Variants in LRRN2 observed in about 807,000 individuals in gnomAD.
LRRN2 encodes the protein leucine rich repeat neuronal 2, also known as leucine-rich repeat neuronal protein 2.
LRRN2 carries 10 observed loss-of-function variants against 35.7 expected under a neutral mutation model. The ratio of observed to expected loss-of-function variants is 0.28; its 90% CI spans 0.17 to 0.47. LRRN2 has a LOEUF of 0.47. Ranked by LOEUF, LRRN2 falls within the 20% of genes least tolerant of loss-of-function variation. The probability of loss-of-function intolerance (pLI) is 0.99; values close to 1 mark genes in which losing one functional copy is unlikely to be tolerated. For missense variants in LRRN2, 731 were observed against 940.3 expected (o/e 0.78, Z 2.91); for synonymous variants, 391 against 409.6 (o/e 0.95, Z 0.55).
Position 204,618,018 on chromosome 1 carries a change from C to T in LRRN2, c.1975G>A (p.Val659Met), listed in dbSNP as rs544682007. The part of the protein sequence containing the change: ...HLGTGQPRKG[V>M]GGRRPLPPAW... Reference sequence around the variant, plus strand: ...GGAGGGAGAGGCCGCCTCCCACCCACACCCTTCCTGGGTTGGCCTGTGCCA... The same window carrying T: ...GGAGGGAGAGGCCGCCTCCCACCCATACCCTTCCTGGGTTGGCCTGTGCCA... The change falls in exon 2 of 2, where the codon GTG (valine) becomes ATG (methionine). Residue 659 changes from valine to methionine, a missense_variant. Transcript: ENST00000367177. 4 of 1,612,794 alleles carry T rather than the reference C, an allele frequency of 2.5e-6. No homozygotes were observed. The East Asian group carries it at 6.7e-5, about 27-fold the overall frequency.
At chr1:204,675,627 C>G (rs1300366681) in intron 1 of LRRN2, among the ~76,000 whole-genome samples, 1 of 152,202 alleles carries the variant, frequency 6.6e-6, no homozygotes, top group East Asian at 1.9e-4. Flanking sequence ...TTACACTGGG[C>G]CCACCCAGAT....
Position 204,618,050 on chromosome 1 carries a change from G to A in LRRN2, c.1943C>T (p.Ala648Val), listed in dbSNP as rs541339042. Residue 648 changes from alanine (A) to valine (V), a missense_variant, in exon 2 of 2, where the codon GCC (alanine) becomes GTC (valine). Ala to Val is a moderately conservative substitution (Grantham distance 64, BLOSUM62 0). Coordinates refer to ENST00000367177, the MANE Select transcript of LRRN2 (RefSeq NM_201630.2). ...CCTGGGTTGGCCTGTGCCAAGGTGGGCCGCTAGCCCAGCTGCCAGGAGAAG... is the reference window on the plus strand; with the variant it reads ...CCTGGGTTGGCCTGTGCCAAGGTGGACCGCTAGCCCAGCTGCCAGGAGAAG... The part of the protein sequence containing the change: ...AVLLLAAGLA[A>V]HLGTGQPRKG... 6.2e-7 allele frequency: 1 copy of A among 1,613,012 alleles called. No homozygotes were observed. Among genetic ancestry groups the A allele is most frequent in the Non-Finnish European group, 8.5e-7 (1 of 1,179,546 alleles).
intron 1 of LRRN2, among the ~76,000 whole-genome samples, chr1:204,679,842 G>A (rs1398421570): frequency 6.6e-6 from 1 of 152,224 alleles, no homozygotes; most frequent in Non-Finnish European, 1.5e-5. Flanking sequence ...AGGAAACAAT[G>A]TTGGATCTTA....
chr1:204,661,150 G>A (rs1259840209), intron 1 of LRRN2, among the ~76,000 whole-genome samples: 1 of 152,188 alleles, frequency 6.6e-6, no homozygotes, highest in East Asian at 1.9e-4. Context: ...ACATGGGATG[G>A]AAGAGGAGTT....
chr1:204,662,263 G>A (rs553495849), intron 1 of LRRN2, among the ~76,000 whole-genome samples: 12 of 152,278 alleles, frequency 7.9e-5, no homozygotes, highest in African/African-American at 2.9e-4. Context: ...AGCTGTCCTT[G>A]ACTTGAGGGC....
intron 1 of LRRN2, among the ~76,000 whole-genome samples, chr1:204,675,547 C>G (rs1318828125): frequency 6.6e-6 from 1 of 152,218 alleles, no homozygotes; most frequent in Non-Finnish European, 1.5e-5. Flanking sequence ...GCAGGTCCAG[C>G]CTTTCACACA....
chr1:204,669,419 C>T (rs1668659885), intron 1 of LRRN2, among the ~76,000 whole-genome samples: 1 of 152,212 alleles, frequency 6.6e-6, no homozygotes, highest in African/African-American at 2.4e-5. Flanking sequence ...ACCAATGATA[C>T]AATAATACAA....
intron 1 of LRRN2, among the ~76,000 whole-genome samples, chr1:204,677,694 C>G (rs533232781): frequency 1.3e-5 from 2 of 152,286 alleles, no homozygotes; most frequent in East Asian, 3.9e-4. Flanking sequence ...TCCCAGCATG[C>G]AGACCTGGGA....
chr1:204,642,132 T>C (rs577534056), intron 1 of LRRN2, among the ~76,000 whole-genome samples: 3 of 152,340 alleles, frequency 2.0e-5, no homozygotes, highest in South Asian at 2.1e-4. Context: ...AAGGCCCAGA[T>C]GGTGCCAGCT....
At chr1:204,630,246 G>T (rs141704808) in intron 1 of LRRN2, among the ~76,000 whole-genome samples, 6 of 151,904 alleles carry the variant, frequency 3.9e-5, no homozygotes, top group African/African-American at 1.5e-4. Context: ...TAGTTAAGGA[G>T]GTTTGGGTTT....
At chr1:204,630,660 C>T (rs931490650) in intron 1 of LRRN2, among the ~76,000 whole-genome samples, 10 of 152,146 alleles carry the variant, frequency 6.6e-5, no homozygotes, top group East Asian at 3.9e-4. Flanking sequence ...ATGGCCTGTC[C>T]GTCCTGGCCA....
chr1:204,642,207 A>AAAT (rs1405369886), intron 1 of LRRN2, among the ~76,000 whole-genome samples: 2 of 152,274 alleles, frequency 1.3e-5, no homozygotes, highest in East Asian at 3.9e-4. Flanking sequence ...ATAATGATAA[A>AAAT]AATAATAATA....
chr1:204,632,083 A>C (rs1360675182), intron 1 of LRRN2, among the ~76,000 whole-genome samples: 1 of 151,596 alleles, frequency 6.6e-6, no homozygotes, highest in African/African-American at 2.4e-5. Flanking sequence ...CAAACAAAAC[A>C]CCTATGTGGG....
chr1:204,655,972 C>G (rs915057615), intron 1 of LRRN2, among the ~76,000 whole-genome samples: 7 of 152,134 alleles, frequency 4.6e-5, no homozygotes, highest in Non-Finnish European at 1.0e-4. Flanking sequence ...TGCAGTGGCG[C>G]GATCTCGGCT....
Position 204,618,314 on chromosome 1 carries a change from C to T in LRRN2, c.1679G>A (p.Ser560Asn). ...NTVSTNLTWS[S>N]ASSLRGQGAT... The stretch of plus-strand genomic sequence containing the variant: ...CCCCTGGCCCCGGAGGGAGGAGGCA[C>T]TGGACCAGGTGAGGTTGGTGGACAC... Residue 560 changes from serine (S) to asparagine (N), a missense_variant, in exon 2 of 2, where the codon AGT becomes AAT. Ser to Asn is a conservative substitution (Grantham distance 46). Around this residue, in one of 3 missense-constraint regions of LRRN2, gnomAD observed 229 missense variants for 258.4 expected, o/e 0.89. Coordinates refer to ENST00000367177, the MANE Select transcript of LRRN2 (RefSeq NM_201630.2). 3.1e-6 allele frequency: 5 copies of T among 1,595,456 alleles called. No homozygotes were observed. Among genetic ancestry groups the T allele is most frequent in the Non-Finnish European group, 3.4e-6 (4 of 1,170,264 alleles).
chr1:204,657,010 A>C (rs1242725857), intron 1 of LRRN2, among the ~76,000 whole-genome samples: 1 of 152,214 alleles, frequency 6.6e-6, no homozygotes, highest in Non-Finnish European at 1.5e-5. Context: ...TGGATAAAAA[A>C]ATATGGTATA....
intron 1 of LRRN2, among the ~76,000 whole-genome samples, chr1:204,625,500 T>TA (rs60318786): frequency 0.18 from 26,675 of 152,118 alleles, 2,766 homozygotes; most frequent in East Asian, 0.3. Context: ...GGAGAATACA[T>TA]AAATGTCCCT....
At chr1:204,669,321 C>T (rs1281139807) in intron 1 of LRRN2, among the ~76,000 whole-genome samples, 7 of 152,166 alleles carry the variant, frequency 4.6e-5, no homozygotes, top group Admixed American at 4.6e-4. Flanking sequence ...TCCTTTCGGA[C>T]TTTTTCATGG....
intron 1 of LRRN2, among the ~76,000 whole-genome samples, chr1:204,642,623 C>T (rs1168863363): frequency 6.6e-6 from 1 of 152,200 alleles, no homozygotes; most frequent in Admixed American, 6.5e-5. Flanking sequence ...TCAGGAAGAA[C>T]TGCCCCGGCC....
Sources: allele counts gnomAD v4.1 joint callset (sites outside exome capture counted in the v4.1 genomes callset), GRCh38; gene constraint gnomAD v4.1.1; regional missense constraint gnomAD v4.1.1; transcripts MANE v1.5; gene names NCBI Gene and HGNC (gene_info 2026-07-23, HGNC 2026-07-21).